Variants in ZC3H12C observed in about 807,000 individuals in gnomAD.
The protein encoded by ZC3H12C is zinc finger CCCH-type containing 12C.
Under a neutral mutation model 76.3 loss-of-function variants are expected in ZC3H12C, and 20 were observed. The ratio of observed to expected loss-of-function variants is 0.26; its 90% CI spans 0.18 to 0.38. The LOEUF (loss-of-function observed/expected upper bound fraction) is 0.38, where lower values mean the gene tolerates loss of function less well. Ranked by LOEUF, ZC3H12C falls within the 10% of genes least tolerant of loss-of-function variation. The pLI, the probability that ZC3H12C is intolerant of heterozygous loss-of-function variation, is 1.00. For synonymous variants in ZC3H12C, 352 were observed against 399.6 expected (o/e 0.88, Z 1.42); for missense variants, 874 against 1,086.5 (o/e 0.80, Z 2.75).
In ZC3H12C at chr11:110,166,035, T is replaced by C; in HGVS notation, c.*298T>C. The C allele has an allele frequency of 3.2e-6, 1 of 310,190 alleles. No homozygotes were observed. Among genetic ancestry groups the C allele is most frequent in the Non-Finnish European group, 6.0e-6 (1 of 167,890 alleles). 19.2% of individuals were successfully genotyped at this position (310,190 alleles called of 1,614,324 possible). ...ATCTGTGATCTTTGATATTAATCTT[T>C]GGTGCATCAGGGGTTTATATGCAGC... On this transcript the variant is annotated 3_prime_UTR_variant, in exon 6 of 6. Transcript: ENST00000278590.
intron 1 of ZC3H12C, among the ~76,000 whole-genome samples, chr11:110,095,168 C>A (rs745669699): frequency 5.3e-5 from 8 of 152,022 alleles, no homozygotes; most frequent in Non-Finnish European, 8.8e-5. Flanking sequence ...TTTTAATGAC[C>A]AGACTATATA....
intron 1 of ZC3H12C, among the ~76,000 whole-genome samples, chr11:110,121,816 T>C (rs1861655345): frequency 6.6e-6 from 1 of 152,236 alleles, no homozygotes; most frequent in Non-Finnish European, 1.5e-5. Flanking sequence ...AAAGTACTTT[T>C]CTTGGGTCAT....
chr11:110,126,900 T>C (rs1861759456), intron 1 of ZC3H12C, among the ~76,000 whole-genome samples: 2 of 152,224 alleles, frequency 1.3e-5, no homozygotes, highest in South Asian at 4.1e-4. Context: ...TATAAAGTTA[T>C]TTATATTTGA....
intron 2 of ZC3H12C, among the ~76,000 whole-genome samples, chr11:110,150,375 T>C (rs1182359893): frequency 6.6e-6 from 1 of 152,122 alleles, no homozygotes; most frequent in Non-Finnish European, 1.5e-5. Flanking sequence ...TCTATAAAGC[T>C]CTTGCATGCC....
At position 110,165,474 on chromosome 11, in the gene ZC3H12C, G is replaced by A. The variant is rs996923785; in HGVS notation, c.2389G>A (p.Asp797Asn). 2 of 1,613,964 alleles carry A rather than the reference G, an allele frequency of 1.2e-6. No homozygotes were observed. The highest frequency in any genetic ancestry group is 1.7e-6 in the Non-Finnish European group (2 of 1,179,880). The part of the protein sequence containing the change: ...YGYRQTYSLP[D>N]NSTQPCYEQF... ...GTACCGGCAGACTTATTCCTTGCCC[G>A]ATAACTCCACACAGCCGTGTTATGA... is the stretch of plus-strand genomic sequence containing the variant. Residue 797 changes from aspartate (D) to asparagine (N), a missense_variant, in exon 6 of 6, where the codon GAT (aspartate) becomes AAT (asparagine). By Grantham distance (23) the Asp-to-Asn change is conservative (BLOSUM62 1). Transcript: ENST00000278590.
At chr11:110,143,922 A>T (rs1862114707) in intron 2 of ZC3H12C, among the ~76,000 whole-genome samples, 1 of 152,234 alleles carries the variant, frequency 6.6e-6, no homozygotes. Context: ...ATTACCCATT[A>T]AAGTAATAGA....
chr11:110,152,853 A>C lies in ZC3H12C; in HGVS notation c.774-66A>C, dbSNP rs1162052005. On this transcript the variant is annotated intron_variant, in intron 2 of 5. Transcript: ENST00000278590. Reference sequence around the variant, plus strand: ...AACTATGTAATACTTTCTGTTTATAAACTTGAATTAATTTACTTAAATTTA... The same window carrying C: ...AACTATGTAATACTTTCTGTTTATACACTTGAATTAATTTACTTAAATTTA... 5 of 1,530,572 alleles carry C rather than the reference A, an allele frequency of 3.3e-6. No individual in the cohort carries two copies. The African/African-American group carries it at 6.9e-5, about 21-fold the overall frequency. The allele number at this position is 1,530,572 out of a possible 1,614,324, so 94.8% of individuals were successfully genotyped here.
chr11:110,097,506 C>CCACATTTATTG (rs1861134604), intron 1 of ZC3H12C, among the ~76,000 whole-genome samples: 1 of 152,140 alleles, frequency 6.6e-6, no homozygotes, highest in African/African-American at 2.4e-5. Context: ...AGTTTGAGAA[C>CCACATTTATTG]GCTATGAAAC....
intron 1 of ZC3H12C, among the ~76,000 whole-genome samples, chr11:110,121,237 G>A (rs1861645840): frequency 6.6e-6 from 1 of 152,192 alleles, no homozygotes; most frequent in African/African-American, 2.4e-5. Context: ...CCAGAAAATA[G>A]ATTTTGGTCC....
intron 1 of ZC3H12C, among the ~76,000 whole-genome samples, chr11:110,131,948 C>T (rs1861874342): frequency 6.6e-6 from 1 of 152,192 alleles, no homozygotes; most frequent in Non-Finnish European, 1.5e-5. Flanking sequence ...GAGCATTAAC[C>T]AATCTGTTCA....
In ZC3H12C at chr11:110,165,992, GTTTGA is replaced by G; in HGVS notation, c.*259_*263del. 4.8e-6 allele frequency: 2 copies of G among 418,576 alleles called. No individual in the cohort carries two copies. The highest frequency in any genetic ancestry group is 3.9e-5 in the South Asian group (1 of 25,906). The allele number at this position is 418,576 out of a possible 1,614,324, so 25.9% of individuals were successfully genotyped here. A position where few individuals can be genotyped will look rare whatever the true frequency, so the allele number is the denominator to read the frequency against. On this transcript the variant is annotated 3_prime_UTR_variant, in exon 6 of 6. Transcript: ENST00000278590. Reference sequence around the variant, plus strand: ...ATATCCTTGGCTGGAAATTTTTCCAGTTTGATTTAATAGATGTATCTGTGATCTTT... The same window carrying G: ...ATATCCTTGGCTGGAAATTTTTCCAGTTTAATAGATGTATCTGTGATCTTT...
chr11:110,163,488 T>G (rs1010604147), intron 5 of ZC3H12C, 109 bp downstream of exon 5: 7 of 754,118 alleles, frequency 9.3e-6, no homozygotes, highest in African/African-American at 1.8e-5. Context: ...AATATGCAGT[T>G]CTTTGGATTC....
At chr11:110,103,415 C>T (rs1430746535) in intron 1 of ZC3H12C, among the ~76,000 whole-genome samples, 2 of 152,160 alleles carry the variant, frequency 1.3e-5, no homozygotes, top group Non-Finnish European at 1.5e-5. Flanking sequence ...TATGATTTCA[C>T]TTATTATGAA....
chr11:110,157,945 G>A (rs911167115), intron 3 of ZC3H12C, among the ~76,000 whole-genome samples: 5 of 152,100 alleles, frequency 3.3e-5, no homozygotes, highest in African/African-American at 7.2e-5. Flanking sequence ...ATAATCATCC[G>A]TTGCAGAGAT....
intron 1 of ZC3H12C, among the ~76,000 whole-genome samples, chr11:110,103,222 G>A (rs1206115576): frequency 6.6e-6 from 1 of 152,106 alleles, no homozygotes; most frequent in Non-Finnish European, 1.5e-5. Context: ...TTCTTGAGGG[G>A]CAATACACAT....
chr11:110,159,909 T>C (rs749833068), intron 4 of ZC3H12C, among the ~76,000 whole-genome samples: 22 of 152,276 alleles, frequency 1.4e-4, no homozygotes, highest in Non-Finnish European at 1.0e-4. Flanking sequence ...CTTCAGGCGA[T>C]TTCATTGTGG....
intron 1 of ZC3H12C, among the ~76,000 whole-genome samples, chr11:110,101,167 C>T (rs1861207012): frequency 6.6e-6 from 1 of 152,116 alleles, no homozygotes; most frequent in Non-Finnish European, 1.5e-5. Context: ...CAGAGAAAGG[C>T]ATTAACTCTC....
chr11:110,123,093 T>G lies in ZC3H12C; in HGVS notation c.22-13570T>G, dbSNP rs144311180. Among the ~76,000 whole-genome samples the G allele has an allele frequency of 2.0e-5, 3 of 152,346 alleles. No homozygotes were observed. In the East Asian group the frequency reaches 5.8e-4, roughly 29 times the overall value. Reference sequence around the variant, plus strand: ...TTGTTTATTTCTGGAATTTTGCATTTAATATTTTCAGACCATAGTTGACTG... The same window carrying G: ...TTGTTTATTTCTGGAATTTTGCATTGAATATTTTCAGACCATAGTTGACTG... On this transcript the variant is annotated intron_variant, in intron 1 of 5. Coordinates refer to ENST00000278590, the MANE Select transcript of ZC3H12C (RefSeq NM_033390.2).
rs1862643847 is a variant in ZC3H12C at position 110,169,790 on chromosome 11, G to C, written c.*4053G>C. On this transcript the variant is annotated 3_prime_UTR_variant, in exon 6 of 6. Transcript: ENST00000278590. ...ACACTATCTTAGCCCCCTAGGGCAG[G>C]GGTTGACTTTTTCTGTAAAGGATCA... 1 of 152,204 alleles carries C rather than the reference G, an allele frequency of 6.6e-6. No homozygotes were observed. Among genetic ancestry groups the C allele is most frequent in the Non-Finnish European group, 1.5e-5 (1 of 68,020 alleles). The allele number at this position is 152,204 out of a possible 1,614,324, so 9.4% of individuals were successfully genotyped here.
Sources: allele counts gnomAD v4.1 joint callset (sites outside exome capture counted in the v4.1 genomes callset), GRCh38; gene constraint gnomAD v4.1.1; transcripts MANE v1.5; gene names NCBI Gene and HGNC (gene_info 2026-07-23, HGNC 2026-07-21).